Variants in ADGRG2 observed in about 807,000 individuals in gnomAD.
The protein encoded by ADGRG2 is G protein-coupled receptor 64.
In ADGRG2, 26 loss-of-function variants were observed where a neutral mutation model predicts 74.1. The ratio of observed to expected loss-of-function variants is 0.35; its 90% CI spans 0.26 to 0.49. The LOEUF is 0.49. Ranked by LOEUF, ADGRG2 falls within the 20% of genes least tolerant of loss-of-function variation. The probability of loss-of-function intolerance (pLI) is 0.99; values close to 1 mark genes in which losing one functional copy is unlikely to be tolerated. For synonymous variants in ADGRG2, 296 were observed against 295.2 expected, an observed-to-expected ratio of 1.00 and a Z score of -0.03; for missense variants, 619 against 763.1, an observed-to-expected ratio of 0.81 and a Z score of 2.22.
intron 18 of ADGRG2, 107 bp downstream of exon 18, chrX:19,009,519 G>C (rs2060307451): frequency 1.3e-5 from 10 of 747,511 alleles, no homozygotes; most frequent in South Asian, 9.0e-5. Context: ...CAAATATTTT[G>C]AATATCACCC....
chrX:19,079,511 A>G (rs940346748), intron 2 of ADGRG2, among the ~76,000 whole-genome samples: 4 of 112,535 alleles, frequency 3.6e-5, no homozygotes, highest in Admixed American at 2.8e-4. Flanking sequence ...TTACCGTAGT[A>G]AGAGAAACAA....
intron 13 of ADGRG2, 195 bp from the exon 14 acceptor site, chrX:19,021,393 C>T: frequency 2.1e-6 from 1 of 472,194 alleles, no homozygotes; most frequent in Non-Finnish European, 3.8e-6. Context: ...TATTAAGAGA[C>T]ATTTATGGAG....
chrX:19,093,469 G>C (rs1414743556), intron 1 of ADGRG2, among the ~76,000 whole-genome samples: 4 of 111,886 alleles, frequency 3.6e-5, no homozygotes, highest in Non-Finnish European at 7.5e-5. Flanking sequence ...AACAGTGGGA[G>C]AAAACGTGCT....
At chrX:19,059,303 C>T (rs1311233038) in intron 3 of ADGRG2, among the ~76,000 whole-genome samples, 2 of 111,959 alleles carry the variant, frequency 1.8e-5, no homozygotes, top group Non-Finnish European at 3.8e-5. Context: ...CCTCCACTTT[C>T]CAGCTGTGTG....
intron 1 of ADGRG2, among the ~76,000 whole-genome samples, chrX:19,102,195 G>A (rs2062200798): frequency 9.8e-6 from 1 of 101,729 alleles, no homozygotes; most frequent in Non-Finnish European, 2.0e-5. Flanking sequence ...GATTACAGGT[G>A]TGAGCCACCA....
At chrX:19,090,933 T>C (rs1269058175) in intron 1 of ADGRG2, among the ~76,000 whole-genome samples, 1 of 110,922 alleles carries the variant, frequency 9.0e-6, no homozygotes, top group Non-Finnish European at 1.9e-5. Flanking sequence ...GAGCTCTGGG[T>C]GAAGACAGGG....
intron 1 of ADGRG2, among the ~76,000 whole-genome samples, chrX:19,091,917 G>C (rs1208284051): frequency 8.9e-6 from 1 of 112,721 alleles, no homozygotes; most frequent in Non-Finnish European, 1.9e-5. Context: ...GGTGATGAAT[G>C]ATGGACATAC....
intron 3 of ADGRG2, among the ~76,000 whole-genome samples, chrX:19,048,097 C>T (rs1381316652): frequency 9.0e-6 from 1 of 111,338 alleles, no homozygotes; most frequent in African/African-American, 3.3e-5. Flanking sequence ...TTTCTCCTGC[C>T]TTCGCACAGT....
chrX:19,027,287 T>C lies in ADGRG2; in HGVS notation c.415-13A>G, dbSNP rs750852136. The C allele has an allele frequency of 9.8e-6, 10 of 1,020,964 alleles. No individual in the cohort carries two copies. Among genetic ancestry groups the C allele is most frequent in the South Asian group, 9.5e-5 (5 of 52,722 alleles). The allele number at this position is 1,020,964 out of a possible 1,213,427, so 84.1% of individuals were successfully genotyped here. A position where few individuals can be genotyped will look rare whatever the true frequency, so the allele number is the denominator to read the frequency against. ...TTATATGTTGATTCTGTTAGAAGCA[T>C]AAAATCATTAAGAATATAACAAACA... is the stretch of plus-strand genomic sequence containing the variant. On this transcript the variant is annotated splice_polypyrimidine_tract_variant and intron_variant, in intron 10 of 28. Coordinates refer to ENST00000379869, the MANE Select transcript of ADGRG2 (RefSeq NM_001079858.3).
intron 1 of ADGRG2, among the ~76,000 whole-genome samples, chrX:19,087,519 T>G (rs1422486733): frequency 8.9e-6 from 1 of 112,483 alleles, no homozygotes; most frequent in African/African-American, 3.2e-5. Flanking sequence ...TCCCTTTATA[T>G]GAAGACATGG....
intron 3 of ADGRG2, among the ~76,000 whole-genome samples, chrX:19,062,564 C>G: frequency 9.0e-6 from 1 of 111,602 alleles, no homozygotes; most frequent in African/African-American, 3.3e-5. Flanking sequence ...TTTGTACAGA[C>G]AGGGGATTGA....
At chrX:19,104,580 C>T (rs1402417445) in intron 1 of ADGRG2, among the ~76,000 whole-genome samples, 1 of 111,559 alleles carries the variant, frequency 9.0e-6, no homozygotes, top group Non-Finnish European at 1.9e-5. Flanking sequence ...AAAAGGAATT[C>T]CTGACTGTTG....
At chrX:19,051,825 A>G (rs1275549381) in intron 3 of ADGRG2, among the ~76,000 whole-genome samples, 1 of 112,067 alleles carries the variant, frequency 8.9e-6, no homozygotes, top group African/African-American at 3.2e-5. Context: ...TCCTGGAAGC[A>G]GAGGATCCAG....
intron 24 of ADGRG2, among the ~76,000 whole-genome samples, chrX:19,001,070 T>G (rs1447973885): frequency 3.6e-5 from 4 of 111,225 alleles, no homozygotes; most frequent in Non-Finnish European, 7.5e-5. Context: ...GGAATGTATA[T>G]TTAAGAGTCA....
intron 4 of ADGRG2, chrX:19,039,325 G>A (rs2061008633): frequency 3.0e-6 from 1 of 329,797 alleles, no homozygotes; most frequent in Admixed American, 3.1e-5. Flanking sequence ...AGAGGAGAAC[G>A]AGGAGATGTC....
At chrX:19,109,429 C>T (rs188374358) in intron 1 of ADGRG2, among the ~76,000 whole-genome samples, 1 of 111,768 alleles carries the variant, frequency 8.9e-6, no homozygotes, top group Non-Finnish European at 1.9e-5. Context: ...AAAAATCACA[C>T]CAATCTTCAA....
intron 3 of ADGRG2, among the ~76,000 whole-genome samples, chrX:19,064,572 T>C (rs1156852267): frequency 8.9e-6 from 1 of 112,247 alleles, no homozygotes; most frequent in African/African-American, 3.2e-5. Flanking sequence ...TCCAAAGCTA[T>C]TGGAGGAGGC....
intron 3 of ADGRG2, among the ~76,000 whole-genome samples, chrX:19,053,251 T>C (rs984173672): frequency 2.7e-5 from 3 of 111,036 alleles, no homozygotes; most frequent in South Asian, 7.7e-4. Flanking sequence ...CAGGGGTACA[T>C]TGGGCAAGAC....
At chrX:19,023,971 G>A (rs968189059) in intron 11 of ADGRG2, 23 bp from the exon 12 acceptor site, 5 of 1,103,603 alleles carry the variant, frequency 4.5e-6, no homozygotes, top group Non-Finnish European at 6.2e-6. Flanking sequence ...GAGAGAAATT[G>A]ACATTAAGGA....
Sources: allele counts gnomAD v4.1 joint callset (sites outside exome capture counted in the v4.1 genomes callset), GRCh38; gene constraint gnomAD v4.1.1; transcripts MANE v1.5; gene names NCBI Gene and HGNC (gene_info 2026-07-23, HGNC 2026-07-21).